PALS1: variants seen among roughly 807,000 people sequenced by gnomAD.
PALS1 encodes protein PALS1.
PALS1 carries 31 observed loss-of-function variants against 78.9 expected under a neutral mutation model. That is an observed-to-expected ratio of 0.39 (90% CI 0.30 to 0.53). PALS1 has a LOEUF of 0.53. PALS1 is among the 20% of genes least tolerant of loss of function. The pLI is 0.67. For missense variants in PALS1, 704 were observed against 826.5 expected, an observed-to-expected ratio of 0.85 and a Z score of 1.82; for synonymous variants, 276 against 270.9, an observed-to-expected ratio of 1.02 and a Z score of -0.18.
At position 67,333,650 on chromosome 14, in the gene PALS1, A is replaced by G. The variant is rs1332581678; in HGVS notation, c.*694A>G. The G allele has an allele frequency of 6.6e-6, 1 of 152,644 alleles. No individual in the cohort carries two copies. Among genetic ancestry groups the G allele is most frequent in the Non-Finnish European group, 1.5e-5 (1 of 68,044 alleles). 9.5% of individuals were successfully genotyped at this position (152,644 alleles called of 1,614,324 possible). A position where few individuals can be genotyped will look rare whatever the true frequency, so the allele number is the denominator to read the frequency against. ...AACACACTCTAATCTACTTAAAGGT[A>G]TACAAAATATGCTGATCTTTTTTAA... On this transcript the variant is annotated 3_prime_UTR_variant, in exon 15 of 15. Coordinates refer to ENST00000261681, the MANE Select transcript of PALS1 (RefSeq NM_022474.4).
rs112145248 is a variant in PALS1, at chr14:67,334,581, C to T, written c.*1625C>T. On this transcript the variant is annotated 3_prime_UTR_variant, in exon 15 of 15. Coordinates refer to ENST00000261681, the MANE Select transcript of PALS1 (RefSeq NM_022474.4). ...GAACAAATGTAGACAGTTTATATGT[C>T]GCCTTTTTCTGTTCAAATTTGCATG... is the stretch of plus-strand genomic sequence containing the variant. 0.067 allele frequency: 10,240 copies of T among 152,364 alleles called. 781 individuals carry two copies. The highest frequency in any genetic ancestry group is 0.19 in the African/African-American group (7,676 of 41,388). The allele number at this position is 152,364 out of a possible 1,614,324, so 9.4% of individuals were successfully genotyped here.
chr14:67,258,740 T>C (rs1372657917), intron 1 of PALS1, among the ~76,000 whole-genome samples: 2 of 152,024 alleles, frequency 1.3e-5, no homozygotes, highest in Admixed American at 1.3e-4. Context: ...GCCTTGATAC[T>C]GTTAACTCCT....
chr14:67,289,768 C>CTTTTTTTTTTTTTTTT lies in PALS1; in HGVS notation c.368-2743_368-2742insTTTTTTTTTTTTTTTT, dbSNP rs1491090879. Among the ~76,000 whole-genome samples the CTTTTTTTTTTTTTTTT allele has an allele frequency of 3.1e-5, 3 of 95,508 alleles. 1 individual carries two copies. The highest frequency in any genetic ancestry group is 4.2e-5 in the African/African-American group (1 of 24,024). The allele number at this position is 95,508 out of a possible 152,430, so 62.7% of individuals were successfully genotyped here. On this transcript the variant is annotated intron_variant, in intron 3 of 14. Coordinates refer to ENST00000261681, the MANE Select transcript of PALS1 (RefSeq NM_022474.4). ...ACATTGGGAAGATTTTTTTCCATGT[C>CTTTTTTTTTTTTTTTT]CTTTTTTTTTTTTTTTTTTTTTGAG...
chr14:67,307,376 A>G (rs1215376156), intron 8 of PALS1, among the ~76,000 whole-genome samples: 1 of 152,224 alleles, frequency 6.6e-6, no homozygotes, highest in East Asian at 1.9e-4. Context: ...GTCTAATGCC[A>G]TAATCTAACA....
chr14:67,253,509 A>G (rs537922394), intron 1 of PALS1, among the ~76,000 whole-genome samples: 1 of 152,250 alleles, frequency 6.6e-6, no homozygotes, highest in Admixed American at 6.5e-5. Context: ...GGTGTTTTTC[A>G]GTAGGTTGTT....
chr14:67,298,852 T>C (rs1311965582), intron 4 of PALS1, among the ~76,000 whole-genome samples: 2 of 152,204 alleles, frequency 1.3e-5, no homozygotes. Flanking sequence ...TCAGGCCCTA[T>C]GAATATCCAC....
Position 67,279,321 on chromosome 14 carries a change from C to T in PALS1, c.151C>T (p.Arg51Cys). The stretch of plus-strand genomic sequence containing the variant: ...TTTGGGCACCAGGATGATGCCAATA[C>T]GTCGAAGTGCACAGTTGGAGCGTAT... ...GDLGTRMMPIRRSAQLERIRQ... is the reference protein window; with the variant it reads ...GDLGTRMMPICRSAQLERIRQ... Residue 51 changes from arginine (R) to cysteine (C), a missense_variant, in exon 3 of 15, where the codon CGT becomes TGT. Transcript: ENST00000261681. 6 of 1,613,514 alleles carry T rather than the reference C, an allele frequency of 3.7e-6. No homozygotes were observed. The highest frequency in any genetic ancestry group is 4.2e-6 in the Non-Finnish European group (5 of 1,179,906).
chr14:67,292,457 G>A, intron 3 of PALS1, 54 bp from the exon 4 acceptor site: 2 of 1,224,274 alleles, frequency 1.6e-6, no homozygotes, highest in South Asian at 2.7e-5. Context: ...GAAAATGCAT[G>A]TTGAATTAAT....
chr14:67,278,112 C>T (rs2084535858), intron 2 of PALS1, among the ~76,000 whole-genome samples: 1 of 151,352 alleles, frequency 6.6e-6, no homozygotes, highest in East Asian at 1.9e-4. Flanking sequence ...TCTCAGCTCA[C>T]TGCGGCCTCT....
At chr14:67,281,534 T>A (rs1310128226) in intron 3 of PALS1, among the ~76,000 whole-genome samples, 2 of 152,126 alleles carry the variant, frequency 1.3e-5, no homozygotes. Flanking sequence ...ATTAAAATAT[T>A]CTGAAAATAT....
rs771168556 is a variant in PALS1 at position 67,316,921 on chromosome 14, G to T, written c.1297+18G>T. The T allele has an allele frequency of 1.3e-6, 2 of 1,595,540 alleles. No individual in the cohort carries two copies. Among genetic ancestry groups the T allele is most frequent in the Non-Finnish European group, 1.7e-6 (2 of 1,168,138 alleles). On this transcript the variant is annotated intron_variant, in intron 10 of 14. Transcript: ENST00000261681. The stretch of plus-strand genomic sequence containing the variant: ...AAAATCAGGTTAGACACTTGTATTT[G>T]ACATAAGTAAATGGTTTCTTGGGTC...
At chr14:67,324,620 T>C (rs1376894342) in intron 14 of PALS1, among the ~76,000 whole-genome samples, 8 of 152,168 alleles carry the variant, frequency 5.3e-5, no homozygotes, top group African/African-American at 1.9e-4. Flanking sequence ...GGTCTTACTC[T>C]ATTGCCCAGG....
intron 3 of PALS1, among the ~76,000 whole-genome samples, chr14:67,282,994 T>A (rs964493650): frequency 6.6e-6 from 1 of 152,128 alleles, no homozygotes; most frequent in Admixed American, 6.5e-5. Flanking sequence ...ATGACTGCCA[T>A]CTATCATATA....
chr14:67,242,548 A>T (rs2083920737), intron 1 of PALS1, among the ~76,000 whole-genome samples: 2 of 152,198 alleles, frequency 1.3e-5, no homozygotes, highest in South Asian at 4.1e-4. Context: ...GGAACAAATG[A>T]CGTGTTGGTT....
At chr14:67,321,421 C>G (rs1326368946) in intron 13 of PALS1, among the ~76,000 whole-genome samples, 162 bp downstream of exon 13, 1 of 152,158 alleles carries the variant, frequency 6.6e-6, no homozygotes, top group Non-Finnish European at 1.5e-5. Context: ...GTTGCTAAAT[C>G]TCTTTCAGTT....
intron 3 of PALS1, among the ~76,000 whole-genome samples, chr14:67,282,294 A>G (rs1254107723): frequency 1.3e-5 from 2 of 152,148 alleles, no homozygotes; most frequent in Non-Finnish European, 2.9e-5. Flanking sequence ...TATTTGATTA[A>G]TACCCATATG....
At chr14:67,265,964 A>G (rs1396886617) in intron 1 of PALS1, among the ~76,000 whole-genome samples, 5 of 152,062 alleles carry the variant, frequency 3.3e-5, no homozygotes, top group Admixed American at 1.3e-4. Context: ...TTTAAAAAAA[A>G]TCTGTAAAAG....
chr14:67,255,704 G>A (rs1253560133), intron 1 of PALS1, among the ~76,000 whole-genome samples: 1 of 152,194 alleles, frequency 6.6e-6, no homozygotes. Context: ...TTTTTGAGAT[G>A]GAGTCTCGCT....
At chr14:67,323,228 TACAC>T (rs776838837) in intron 13 of PALS1, among the ~76,000 whole-genome samples, 7,223 of 104,722 alleles carry the variant, frequency 0.069, 785 homozygotes, top group East Asian at 0.45. Context: ...TACACATATA[TACAC>T]GTGTGTGTGT....
Sources: allele counts gnomAD v4.1 joint callset (sites outside exome capture counted in the v4.1 genomes callset), GRCh38; gene constraint gnomAD v4.1.1; transcripts MANE v1.5; gene names NCBI Gene and HGNC (gene_info 2026-07-23, HGNC 2026-07-21).